The following WDR70 variants were observed in gnomAD, a reference collection of about 807,000 sequenced individuals.
WDR70 encodes the protein WD repeat domain 70, also known as WD repeat-containing protein 70.
Under a neutral mutation model 88.6 loss-of-function variants are expected in WDR70, and 53 were observed. That is an observed-to-expected ratio of 0.60 (90% CI 0.48 to 0.75). WDR70 has a LOEUF of 0.75. Among genes scored for constraint, WDR70 ranks in the 30% least tolerant of loss-of-function variants. The pLI, the probability that WDR70 is intolerant of heterozygous loss-of-function variation, is 0.00. For missense variants in WDR70, 610 were observed against 823.2 expected (o/e 0.74, Z 3.17); for synonymous variants, 280 against 270.0 (o/e 1.04, Z -0.36).
intron 9 of WDR70, among the ~76,000 whole-genome samples, chr5:37,547,423 A>C (rs1742029925): frequency 6.6e-6 from 1 of 152,154 alleles, no homozygotes; most frequent in Non-Finnish European, 1.5e-5. Context: ...TCTGTGACTT[A>C]CTACATGGCA....
intron 13 of WDR70, among the ~76,000 whole-genome samples, chr5:37,711,637 T>G (rs1747513987): frequency 6.6e-6 from 1 of 152,194 alleles, no homozygotes; most frequent in African/African-American, 2.4e-5. Flanking sequence ...CATTTCCTTG[T>G]GGATCTTGTT....
intron 7 of WDR70, among the ~76,000 whole-genome samples, chr5:37,447,754 A>C (rs1179514799): frequency 1.3e-5 from 2 of 152,146 alleles, no homozygotes; most frequent in Non-Finnish European, 2.9e-5. Context: ...ACATGGTCAC[A>C]GGAAGGGGAA....
intron 7 of WDR70, among the ~76,000 whole-genome samples, chr5:37,462,616 G>T (rs1403671522): frequency 6.6e-6 from 1 of 152,036 alleles, no homozygotes; most frequent in Non-Finnish European, 1.5e-5. Context: ...TCCTTAATTT[G>T]TAAGTCTTGA....
intron 10 of WDR70, among the ~76,000 whole-genome samples, chr5:37,640,108 G>A (rs947153247): frequency 6.6e-6 from 1 of 152,038 alleles, no homozygotes; most frequent in Non-Finnish European, 1.5e-5. Context: ...AGCCCCTATG[G>A]ACATTTGCAA....
Position 37,588,521 on chromosome 5 carries a change from C to T in WDR70, c.918-16543C>T, listed in dbSNP as rs775272858. On this transcript the variant is annotated intron_variant, in intron 9 of 17. Transcript: ENST00000265107. ...CCCCTTCGCTCATCTTCCTTGCTCC[C>T]TCCCCCTTAACTTTCTTTTTTCCCC... Among the ~76,000 whole-genome samples, 4 of 152,048 alleles carry T rather than the reference C, an allele frequency of 2.6e-5. No homozygotes were observed. The South Asian group carries it at 8.3e-4, about 32-fold the overall frequency.
chr5:37,462,989 T>G (rs918396314), intron 7 of WDR70, among the ~76,000 whole-genome samples: 3 of 152,108 alleles, frequency 2.0e-5, no homozygotes, highest in African/African-American at 7.2e-5. Context: ...ATAAGGAGAC[T>G]AAGGCCAGGC....
At chr5:37,594,130 C>T (rs1306429997) in intron 9 of WDR70, among the ~76,000 whole-genome samples, 2 of 151,902 alleles carry the variant, frequency 1.3e-5, no homozygotes, top group African/African-American at 2.4e-5. Context: ...TTTCTTTTGC[C>T]GTATGGAAGC....
intron 5 of WDR70, among the ~76,000 whole-genome samples, chr5:37,410,332 C>G (rs1245992322): frequency 6.6e-6 from 1 of 151,646 alleles, no homozygotes; most frequent in Non-Finnish European, 1.5e-5. Context: ...AGCCACTGTG[C>G]CTGGCCTGAG....
intron 9 of WDR70, among the ~76,000 whole-genome samples, chr5:37,573,084 G>C (rs969441648): frequency 3.3e-5 from 5 of 152,134 alleles, no homozygotes; most frequent in African/African-American, 1.2e-4. Flanking sequence ...AAGTTTCTCT[G>C]TTATACTTTT....
intron 13 of WDR70, among the ~76,000 whole-genome samples, chr5:37,717,475 T>C (rs894241476): frequency 2.6e-5 from 4 of 152,222 alleles, no homozygotes; most frequent in African/African-American, 9.6e-5. Context: ...CATTTCTCAG[T>C]GACTCCTTAG....
At chr5:37,543,414 G>A (rs1741888775) in intron 9 of WDR70, among the ~76,000 whole-genome samples, 2 of 151,940 alleles carry the variant, frequency 1.3e-5, no homozygotes, top group South Asian at 4.1e-4. Context: ...CTGATGAATA[G>A]GTGTGAAATA....
chr5:37,602,589 A>G (rs2112471196), intron 9 of WDR70, among the ~76,000 whole-genome samples: 1 of 151,914 alleles, frequency 6.6e-6, no homozygotes, highest in African/African-American at 2.4e-5. Context: ...TTGTGCCACT[A>G]CACTCCAGCT....
chr5:37,484,418 G>T (rs956295512), intron 8 of WDR70, among the ~76,000 whole-genome samples: 2 of 152,322 alleles, frequency 1.3e-5, no homozygotes, highest in African/African-American at 4.8e-5. Context: ...AGTCAGGCGT[G>T]GCGGCGCGCG....
intron 13 of WDR70, among the ~76,000 whole-genome samples, chr5:37,707,974 T>G (rs868866337): frequency 1.1e-5 from 1 of 89,356 alleles, no homozygotes; most frequent in African/African-American, 5.3e-5. Flanking sequence ...TATATATATA[T>G]ATATATATAT....
At chr5:37,410,247 A>C (rs1241504765) in intron 5 of WDR70, among the ~76,000 whole-genome samples, 1 of 141,110 alleles carries the variant, frequency 7.1e-6, no homozygotes. Flanking sequence ...CCATGTTGCC[A>C]AGGCTGGTCT....
At chr5:37,636,184 A>G (rs2112533209) in intron 10 of WDR70, among the ~76,000 whole-genome samples, 1 of 151,806 alleles carries the variant, frequency 6.6e-6, no homozygotes, top group Middle Eastern at 3.4e-3. Context: ...TCAGAAGGAC[A>G]CAGGAGCTAA....
At chr5:37,452,546 G>A (rs74693907) in intron 7 of WDR70, among the ~76,000 whole-genome samples, 17 of 152,194 alleles carry the variant, frequency 1.1e-4, no homozygotes, top group Admixed American at 7.9e-4. Context: ...GATTGCAGGC[G>A]TGAGCCACCA....
chr5:37,519,496 G>T (rs527236497), intron 9 of WDR70, among the ~76,000 whole-genome samples: 1 of 149,658 alleles, frequency 6.7e-6, no homozygotes, highest in African/African-American at 2.5e-5. Flanking sequence ...ATCCCAGACT[G>T]GGCGGCCGGG....
intron 9 of WDR70, among the ~76,000 whole-genome samples, chr5:37,602,725 T>A (rs1186154278): frequency 6.6e-6 from 1 of 151,782 alleles, no homozygotes; most frequent in Non-Finnish European, 1.5e-5. Context: ...ATGCCTGTAA[T>A]CCCAGCACTT....
Sources: allele counts gnomAD v4.1 joint callset (sites outside exome capture counted in the v4.1 genomes callset), GRCh38; gene constraint gnomAD v4.1.1; transcripts MANE v1.5; gene names NCBI Gene and HGNC (gene_info 2026-07-23, HGNC 2026-07-21).